IARS1: variants seen among roughly 807,000 people sequenced by gnomAD.
IARS1 encodes the protein isoleucyl-tRNA synthetase 1.
Under a neutral mutation model 168.2 loss-of-function variants are expected in IARS1, and 124 were observed. The observed-to-expected ratio is 0.74, with a 90% CI of 0.64 to 0.86. IARS1 has a LOEUF of 0.86. IARS1 is among the 40% of genes least tolerant of loss of function. IARS1 has a pLI of 0.00. For missense variants in IARS1, 1,452 were observed against 1,515.8 expected (o/e 0.96, Z 0.70); for synonymous variants, 532 against 529.4 (o/e 1.00, Z -0.07).
At chr9:92,251,749 G>C in intron 22 of IARS1, 59 bp downstream of exon 22, 1 of 1,126,860 alleles carries the variant, frequency 8.9e-7, no homozygotes, top group Non-Finnish European at 1.3e-6. Flanking sequence ...GCTGCAGCAA[G>C]TAGGTGCTGA....
At chr9:92,268,417 G>A (rs1832587664) in intron 13 of IARS1, 117 bp from the exon 14 acceptor site, 8 of 954,344 alleles carry the variant, frequency 8.4e-6, no homozygotes, top group Non-Finnish European at 1.3e-5. Context: ...CTGGAAACGT[G>A]GCGCTCACTG....
intron 28 of IARS1, 176 bp downstream of exon 28, chr9:92,243,040 G>A (rs1160352177): frequency 3.8e-6 from 2 of 529,010 alleles, no homozygotes; most frequent in South Asian, 2.0e-5. Flanking sequence ...GAGTGAACAC[G>A]TGGGGAGAGG....
chr9:92,282,860 A>ATATATAT (rs1230782830), intron 6 of IARS1, among the ~76,000 whole-genome samples: 2 of 132,856 alleles, frequency 1.5e-5, no homozygotes, highest in African/African-American at 2.9e-5. Context: ...ATATATATAT[A>ATATATAT]TTTTTTTTTT....
At chr9:92,232,899 T>C (rs1826939518) in intron 30 of IARS1, among the ~76,000 whole-genome samples, 1 of 152,236 alleles carries the variant, frequency 6.6e-6, no homozygotes, top group African/African-American at 2.4e-5. Flanking sequence ...TCTGGTTAAA[T>C]GAGTGACTGT....
chr9:92,271,384 G>A (rs1833005933), intron 11 of IARS1, 149 bp downstream of exon 11: 3 of 1,006,636 alleles, frequency 3.0e-6, no homozygotes, highest in Admixed American at 4.3e-5. Flanking sequence ...CCCTCTGAAC[G>A]TAACTGATAA....
intron 16 of IARS1, among the ~76,000 whole-genome samples, chr9:92,263,671 C>T (rs1022161400): frequency 7.9e-5 from 12 of 152,112 alleles, no homozygotes; most frequent in Non-Finnish European, 1.0e-4. Context: ...AAACACTGAT[C>T]CAGATATCCC....
intron 33 of IARS1, among the ~76,000 whole-genome samples, 159 bp downstream of exon 33, chr9:92,222,361 A>AAAAAGAAAAG (rs1564156018): frequency 6.7e-6 from 1 of 149,908 alleles, no homozygotes; most frequent in African/African-American, 2.5e-5. Flanking sequence ...AAAAAAAAAA[A>AAAAAGAAAAG]AAAAGAAAAG....
At chr9:92,291,015 C>T (rs1388326964) in intron 1 of IARS1, among the ~76,000 whole-genome samples, 7 of 152,010 alleles carry the variant, frequency 4.6e-5, no homozygotes, top group Non-Finnish European at 8.8e-5. Context: ...GAAGGATGAG[C>T]CCTATACCTT....
chr9:92,255,165 T>C (rs1440096185), intron 20 of IARS1, among the ~76,000 whole-genome samples: 2 of 152,186 alleles, frequency 1.3e-5, no homozygotes, highest in Admixed American at 6.5e-5. Flanking sequence ...ACAGCTGGAC[T>C]GTCGTGATCC....
chr9:92,287,858 T>C lies in IARS1; in HGVS notation c.329A>G (p.Lys110Arg), dbSNP rs763820150. 7 of 1,613,980 alleles carry C rather than the reference T, an allele frequency of 4.3e-6. No individual in the cohort carries two copies. Among genetic ancestry groups the C allele is most frequent in the Non-Finnish European group, 5.9e-6 (7 of 1,179,912 alleles). The stretch of plus-strand genomic sequence containing the variant: ...ATTGTTATACTCTGTAATCCCCATT[T>C]TGGCCACATCCTCTGGTCCTCTGAT... ...LGIRGPEDVA[K>R]MGITEYNNQC... The change falls in exon 4 of 34, where the codon AAA becomes AGA. Residue 110 changes from lysine to arginine, a missense_variant. Lys to Arg is a conservative substitution (Grantham distance 26, BLOSUM62 2). Coordinates refer to ENST00000443024, the MANE Select transcript of IARS1 (RefSeq NM_002161.6).
Position 92,274,491 on chromosome 9 carries a change from C to T in IARS1, c.925G>A (p.Val309Ile), listed in dbSNP as rs975433526. The change falls in exon 10 of 34, where the codon GTT becomes ATT. Residue 309 changes from valine (V) to isoleucine (I), a missense_variant. Physicochemically the swap from Val to Ile is conservative, Grantham distance 29 (BLOSUM62 3). Coordinates refer to ENST00000443024, the MANE Select transcript of IARS1 (RefSeq NM_002161.6). ...TCTTCTTCCTTCACATAGTTGTCAA[C>T]AAGCACAGTGAAAGCGCCATTCTCT... Reference protein sequence around the residue: ...CKENGAFTVLVDNYVKEEEGT... With the variant: ...CKENGAFTVLIDNYVKEEEGT... The T allele has an allele frequency of 5.6e-6, 9 of 1,613,968 alleles. No homozygotes were observed. Among genetic ancestry groups the T allele is most frequent in the Non-Finnish European group, 5.9e-6 (7 of 1,179,870 alleles).
intron 2 of IARS1, among the ~76,000 whole-genome samples, chr9:92,288,547 T>C (rs374729752): frequency 6.6e-6 from 1 of 152,216 alleles, no homozygotes; most frequent in East Asian, 1.9e-4. Flanking sequence ...TATCCTGATC[T>C]TGAGTTATCT....
At chr9:92,251,711 T>A in intron 22 of IARS1, 97 bp downstream of exon 22, 1 of 810,738 alleles carries the variant, frequency 1.2e-6, no homozygotes, top group Non-Finnish European at 2.1e-6. Context: ...TTTGGCAGAA[T>A]AATACAGAAT....
intron 30 of IARS1, among the ~76,000 whole-genome samples, chr9:92,229,488 C>A (rs879514697): frequency 4.0e-5 from 6 of 151,870 alleles, no homozygotes; most frequent in Admixed American, 6.6e-5. Flanking sequence ...TAGATTTAAA[C>A]CTTTGTATTC....
At chr9:92,234,777 T>A (rs1170302616) in intron 30 of IARS1, among the ~76,000 whole-genome samples, 1 of 151,746 alleles carries the variant, frequency 6.6e-6, no homozygotes. Context: ...ACAACCATCA[T>A]GGGAGCAGCT....
chr9:92,270,744 T>A (rs1037179920), intron 12 of IARS1, among the ~76,000 whole-genome samples: 1 of 152,110 alleles, frequency 6.6e-6, no homozygotes, highest in African/African-American at 2.4e-5. Flanking sequence ...TGCAGTGAGC[T>A]GTGATTGCAC....
chr9:92,219,293 T>C (rs1839288405), intron 33 of IARS1, among the ~76,000 whole-genome samples: 1 of 152,102 alleles, frequency 6.6e-6, no homozygotes, highest in Non-Finnish European at 1.5e-5. Flanking sequence ...ACTTAAACAT[T>C]AGACCTAAAA....
chr9:92,221,288 T>A (rs1274432781), intron 33 of IARS1, among the ~76,000 whole-genome samples: 1 of 149,390 alleles, frequency 6.7e-6, no homozygotes, highest in Non-Finnish European at 1.5e-5. Context: ...CCAGAGAGAA[T>A]GAATAAGAGG....
intron 21 of IARS1, 63 bp from the exon 22 acceptor site, chr9:92,251,948 TA>T: frequency 8.4e-7 from 1 of 1,193,370 alleles, no homozygotes; most frequent in Non-Finnish European, 1.2e-6. Flanking sequence ...ATTAAAAAAA[TA>T]AGTTTATTAA....
Sources: gnomAD v4.1 joint callset for allele counts (sites outside exome capture counted in the v4.1 genomes callset) on GRCh38, gnomAD v4.1.1 for gene constraint, MANE v1.5 for transcripts, NCBI Gene and HGNC (gene_info 2026-07-23, HGNC 2026-07-21) for gene names.